The following SLC4A4 variants were observed in gnomAD, a reference collection of about 807,000 sequenced individuals.
SLC4A4 encodes the protein solute carrier family 4 member 4, also known as electrogenic sodium bicarbonate cotransporter 1.
In SLC4A4, 27 loss-of-function variants were observed where a neutral mutation model predicts 111.5. The observed-to-expected ratio is 0.24, with a 90% CI of 0.18 to 0.33. The LOEUF (loss-of-function observed/expected upper bound fraction) is 0.33, where lower values mean the gene tolerates loss of function less well. Ranked by LOEUF, SLC4A4 falls within the 10% of genes least tolerant of loss-of-function variation. The probability of loss-of-function intolerance (pLI) is 1.00; values close to 1 mark genes in which losing one functional copy is unlikely to be tolerated. For synonymous variants in SLC4A4, 443 were observed against 463.4 expected, an observed-to-expected ratio of 0.96 and a Z score of 0.57; for missense variants, 909 against 1,315.5, an observed-to-expected ratio of 0.69 and a Z score of 4.78.
At chr4:71,273,241 A>G (rs1722821039) in intron 3 of SLC4A4, among the ~76,000 whole-genome samples, 2 of 152,218 alleles carry the variant, frequency 1.3e-5, no homozygotes. Flanking sequence ...GTCTGTCTCT[A>G]CATATATAGT....
chr4:71,279,332 A>G (rs185333249), intron 3 of SLC4A4, among the ~76,000 whole-genome samples: 5 of 152,192 alleles, frequency 3.3e-5, no homozygotes, highest in African/African-American at 1.2e-4. Context: ...TATAAGTGAG[A>G]TCAAGGAATA....
chr4:71,255,525 C>G (rs1721384574), intron 3 of SLC4A4, 126 bp downstream of exon 3: 1 of 1,021,470 alleles, frequency 9.8e-7, no homozygotes. Flanking sequence ...AGAATCTGTT[C>G]TAAAGGATAA....
intron 1 of SLC4A4, among the ~76,000 whole-genome samples, chr4:71,193,926 T>G (rs1281544330): frequency 2.6e-5 from 4 of 152,310 alleles, no homozygotes; most frequent in African/African-American, 9.6e-5. Flanking sequence ...CATTTTGAAC[T>G]TGTAAAGATG....
intron 7 of SLC4A4, among the ~76,000 whole-genome samples, chr4:71,414,906 T>C (rs1352973866): frequency 6.6e-6 from 1 of 152,202 alleles, no homozygotes; most frequent in Non-Finnish European, 1.5e-5. Context: ...AAATAAAGCA[T>C]TTCATTTTAA....
chr4:71,209,517 T>G (rs1717999211), intron 1 of SLC4A4, among the ~76,000 whole-genome samples: 1 of 152,248 alleles, frequency 6.6e-6, no homozygotes, highest in Non-Finnish European at 1.5e-5. Flanking sequence ...AATAAAGATG[T>G]ATCATAAAAT....
chr4:71,223,034 T>C (rs1718840067), intron 1 of SLC4A4, among the ~76,000 whole-genome samples: 2 of 152,142 alleles, frequency 1.3e-5, no homozygotes, highest in African/African-American at 4.8e-5. Flanking sequence ...AAAATGGGCC[T>C]GGGGAGGGGA....
chr4:71,250,344 G>A (rs1223193450), intron 2 of SLC4A4, among the ~76,000 whole-genome samples: 1 of 152,112 alleles, frequency 6.6e-6, no homozygotes, highest in Admixed American at 6.6e-5. Context: ...TCTTTGCTTT[G>A]AACTGGAGAG....
chr4:71,091,839 AG>A (rs1260859698), intron 1 of SLC4A4, among the ~76,000 whole-genome samples: 2 of 152,194 alleles, frequency 1.3e-5, no homozygotes, highest in Non-Finnish European at 2.9e-5. Flanking sequence ...CAAATATAAC[AG>A]TATCTGTAAT....
intron 1 of SLC4A4, among the ~76,000 whole-genome samples, chr4:71,210,384 TTAA>T (rs1457541090): frequency 6.6e-6 from 1 of 152,264 alleles, no homozygotes; most frequent in Non-Finnish European, 1.5e-5. Context: ...TTAAACATAC[TTAA>T]TGTATTTCTA....
intron 20 of SLC4A4, among the ~76,000 whole-genome samples, chr4:71,548,854 A>G (rs1462815307): frequency 6.6e-6 from 1 of 151,946 alleles, no homozygotes; most frequent in African/African-American, 2.4e-5. Context: ...GGAAAGTGGA[A>G]CTGTAATATC....
intron 2 of SLC4A4, among the ~76,000 whole-genome samples, chr4:71,105,360 A>G (rs1249671947): frequency 1.3e-5 from 2 of 149,550 alleles, no homozygotes; most frequent in Admixed American, 1.3e-4. Context: ...GGTAATTTAT[A>G]GATTCAATGC....
chr4:71,349,782 G>A, intron 4 of SLC4A4, 130 bp from the exon 5 acceptor site: 1 of 774,972 alleles, frequency 1.3e-6, no homozygotes, highest in Non-Finnish European at 2.2e-6. Context: ...GATCTAATAA[G>A]CTATTAATAC....
chr4:71,487,468 G>A (rs1416705567), intron 15 of SLC4A4, among the ~76,000 whole-genome samples: 1 of 151,502 alleles, frequency 6.6e-6, no homozygotes, highest in African/African-American at 2.4e-5. Context: ...CACTTAGAAC[G>A]GACTGTGCCT....
chr4:71,266,725 G>T (rs921660856), intron 3 of SLC4A4, among the ~76,000 whole-genome samples: 1 of 152,150 alleles, frequency 6.6e-6, no homozygotes, highest in Non-Finnish European at 1.5e-5. Flanking sequence ...TCATGGTCCT[G>T]GGGCAGGCGC....
intron 2 of SLC4A4, among the ~76,000 whole-genome samples, chr4:71,240,418 T>C (rs1204750773): frequency 1.3e-5 from 2 of 152,206 alleles, no homozygotes; most frequent in African/African-American, 4.8e-5. Context: ...AAATATAAGA[T>C]GCAGTAACAC....
intron 16 of SLC4A4, among the ~76,000 whole-genome samples, chr4:71,523,636 T>C (rs1407782627): frequency 6.6e-6 from 1 of 152,114 alleles, no homozygotes; most frequent in African/African-American, 2.4e-5. Flanking sequence ...AGCTTATTTA[T>C]CCATCAGAGA....
chr4:71,172,316 C>A (rs573324198), intron 2 of SLC4A4, among the ~76,000 whole-genome samples: 98 of 149,408 alleles, frequency 6.6e-4, no homozygotes, highest in African/African-American at 2.4e-3. Flanking sequence ...AGTGCAGTGG[C>A]GTGATCTTGG....
intron 14 of SLC4A4, among the ~76,000 whole-genome samples, chr4:71,478,017 T>G (rs893902309): frequency 1.3e-5 from 2 of 151,980 alleles, no homozygotes; most frequent in African/African-American, 4.8e-5. Flanking sequence ...GAAAAAAAGT[T>G]CATTATTGCT....
intron 2 of SLC4A4, among the ~76,000 whole-genome samples, chr4:71,131,709 AT>A (rs1743712264): frequency 6.6e-6 from 1 of 152,130 alleles, no homozygotes; most frequent in Non-Finnish European, 1.5e-5. Context: ...GCCATCCCAG[AT>A]TTTCTGGACA....
Sources: gnomAD v4.1 joint callset for allele counts (sites outside exome capture counted in the v4.1 genomes callset) on GRCh38, gnomAD v4.1.1 for gene constraint, MANE v1.5 for transcripts, NCBI Gene and HGNC (gene_info 2026-07-23, HGNC 2026-07-21) for gene names.